Variants in NOS2 observed in about 807,000 individuals in gnomAD.
NOS2 encodes the protein nitric oxide synthase, inducible.
A neutral mutation model predicts 136.0 loss-of-function variants in NOS2; 96 were observed. That is an observed-to-expected ratio of 0.71 (90% CI 0.60 to 0.84). The LOEUF (loss-of-function observed/expected upper bound fraction) is 0.84, where lower values mean the gene tolerates loss of function less well. Ranked by LOEUF, NOS2 falls within the 40% of genes least tolerant of loss-of-function variation. NOS2 has a pLI of 0.00. For missense variants in NOS2, 1,237 were observed against 1,496.9 expected, an observed-to-expected ratio of 0.83 and a Z score of 2.87; for synonymous variants, 539 against 587.5, an observed-to-expected ratio of 0.92 and a Z score of 1.20.
intron 2 of NOS2, among the ~76,000 whole-genome samples, chr17:27,796,162 A>G (rs1011437326): frequency 6.6e-6 from 1 of 152,182 alleles, no homozygotes; most frequent in South Asian, 2.1e-4. Flanking sequence ...AAAAGGAAAG[A>G]AAAAAGAAGC....
At chr17:27,771,079 C>G in intron 14 of NOS2, 62 bp from the exon 15 acceptor site, 1 of 1,248,838 alleles carries the variant, frequency 8.0e-7, no homozygotes, top group South Asian at 1.3e-5. Context: ...CTACCCTGCG[C>G]AGACACCCTG....
In NOS2 at chr17:27,789,702, C is replaced by G. The variant is rs1276122535; in HGVS notation, c.111-14G>C. The G allele has an allele frequency of 3.1e-6, 5 of 1,604,262 alleles. No individual in the cohort carries two copies. The highest frequency in any genetic ancestry group is 1.1e-5 in the South Asian group (1 of 90,848). ...TGTGTCACTGGACTGTGAAAGGAAA[C>G]AGCTAGCATGAGATGCGGTATCCAA... On this transcript the variant is annotated splice_polypyrimidine_tract_variant and intron_variant, in intron 2 of 26. Transcript: ENST00000313735.
Position 27,787,762 on chromosome 17 carries a change from C to A in NOS2, c.383G>T (p.Gly128Val), listed in dbSNP as rs914036110. ...SIMTPKSLTRGPRDKPTPPDE... is the reference protein window; with the variant it reads ...SIMTPKSLTRVPRDKPTPPDE... ...TGGAGGGGTAGGCTTGTCCCTGGGTCCTCTGGTCAAACTTTTGGGAGTCAT... is the reference window on the plus strand; with the variant it reads ...TGGAGGGGTAGGCTTGTCCCTGGGTACTCTGGTCAAACTTTTGGGAGTCAT... Residue 128 changes from glycine to valine, a missense_variant, in exon 5 of 27, where the codon GGA becomes GTA. This residue lies in a region of NOS2 where 440 missense variants were observed against 545.4 expected (regional missense o/e 0.81). Transcript: ENST00000313735. The A allele has an allele frequency of 1.2e-6, 2 of 1,613,592 alleles. No individual in the cohort carries two copies. The highest frequency in any genetic ancestry group is 3.3e-5 in the Admixed American group (2 of 59,952).
chr17:27,768,650 G>A (rs1385136480), intron 17 of NOS2, among the ~76,000 whole-genome samples: 4 of 152,236 alleles, frequency 2.6e-5, no homozygotes, highest in African/African-American at 9.6e-5. Flanking sequence ...CTATGGCTGT[G>A]AGACTGAAAC....
At chr17:27,776,346 C>A (rs1248826888) in intron 11 of NOS2, among the ~76,000 whole-genome samples, 1 of 152,178 alleles carries the variant, frequency 6.6e-6, no homozygotes, top group African/African-American at 2.4e-5. Flanking sequence ...CAAGACACAG[C>A]AACTCCTGGG....
intron 18 of NOS2, among the ~76,000 whole-genome samples, chr17:27,767,158 T>G (rs1908331370): frequency 6.6e-6 from 1 of 152,100 alleles, no homozygotes; most frequent in African/African-American, 2.4e-5. Context: ...TTGTTGACAT[T>G]GGGGATATCT....
intron 24 of NOS2, 123 bp downstream of exon 24, chr17:27,760,500 G>A: frequency 7.4e-7 from 1 of 1,345,354 alleles, no homozygotes; most frequent in Non-Finnish European, 1.0e-6. Flanking sequence ...CCCGCACAGG[G>A]AAGCAAACTT....
In NOS2 at chr17:27,789,176, C is replaced by T. The variant is rs573135686; in HGVS notation, c.196-245G>A. On this transcript the variant is annotated intron_variant, in intron 3 of 26. Coordinates refer to ENST00000313735, the MANE Select transcript of NOS2 (RefSeq NM_000625.4). Reference sequence around the variant, plus strand: ...GCCAAATGCTTCCTCAGAGGAACTGCTGTAGGAGGGACTAAAGACTAAGTT... The same window carrying T: ...GCCAAATGCTTCCTCAGAGGAACTGTTGTAGGAGGGACTAAAGACTAAGTT... 2.0e-5 allele frequency among the ~76,000 whole-genome samples: 3 copies of T among 152,280 alleles called. No individual in the cohort carries two copies. The South Asian group carries it at 6.2e-4, about 32-fold the overall frequency.
chr17:27,757,455 C>T, intron 26 of NOS2, 102 bp from the exon 27 acceptor site: 2 of 893,494 alleles, frequency 2.2e-6, no homozygotes, highest in Non-Finnish European at 3.6e-6. Flanking sequence ...AGCCATCTGT[C>T]TTCCCAACTG....
At chr17:27,781,301 G>A in intron 7 of NOS2, 124 bp from the exon 8 acceptor site, 2 of 1,125,906 alleles carry the variant, frequency 1.8e-6, no homozygotes, top group South Asian at 3.2e-5. Context: ...AGCTGACTGA[G>A]CCAGCCTCCT....
chr17:27,782,675 G>A (rs894949905), intron 6 of NOS2, among the ~76,000 whole-genome samples: 3 of 152,206 alleles, frequency 2.0e-5, no homozygotes, highest in Admixed American at 6.5e-5. Flanking sequence ...AAACAAGGTC[G>A]TGGTTTACTC....
Position 27,770,927 on chromosome 17 carries a change from G to A in NOS2, c.1795C>T (p.Pro599Ser). The A allele has an allele frequency of 6.2e-7, 1 of 1,613,724 alleles. No individual in the cohort carries two copies. The highest frequency in any genetic ancestry group is 1.1e-5 in the South Asian group (1 of 91,030). Residue 599 changes from proline (P) to serine (S), a missense_variant, in exon 15 of 27, where the codon CCT becomes TCT. By Grantham distance (74) the Pro-to-Ser change is moderately conservative (BLOSUM62 -1). Around this residue, in one of 3 missense-constraint regions of NOS2, gnomAD observed 782 missense variants for 909.9 expected, o/e 0.86. Transcript: ENST00000313735. The stretch of plus-strand genomic sequence containing the variant: ...AAGCCACCCACCTCTCCATTGCCAG[G>A]GCAGTCTCCATTGCCAAACGTACTG... Reference protein sequence around the residue: ...VTSTFGNGDCPGNGEKLKKSL... With the variant: ...VTSTFGNGDCSGNGEKLKKSL...
intron 21 of NOS2, among the ~76,000 whole-genome samples, chr17:27,763,578 A>G (rs1313682302): frequency 6.6e-6 from 1 of 152,222 alleles, no homozygotes; most frequent in Admixed American, 6.5e-5. Flanking sequence ...GCATTCTCTC[A>G]TTAACTTATT....
intron 17 of NOS2, among the ~76,000 whole-genome samples, chr17:27,768,568 A>G (rs1908386866): frequency 6.6e-6 from 1 of 152,234 alleles, no homozygotes; most frequent in Admixed American, 6.5e-5. Context: ...AATCACAGCA[A>G]TAAAGAGCTA....
chr17:27,768,924 T>G, intron 17 of NOS2, 53 bp downstream of exon 17: 1 of 1,512,726 alleles, frequency 6.6e-7, no homozygotes, highest in Middle Eastern at 1.8e-4. Flanking sequence ...GTCCTAGGCA[T>G]GAATGCACCC....
Position 27,787,813 on chromosome 17 carries a change from C to T in NOS2, c.332G>A (p.Arg111Lys). ...AATGGACCCCAGGCAAGATTTGGACCTGCAAGTTAAAATCTGGAAAGAGAG... is the reference window on the plus strand; with the variant it reads ...AATGGACCCCAGGCAAGATTTGGACTTGCAAGTTAAAATCTGGAAAGAGAG... ...HHKAKGILTC[R>K]SKSCLGSIMT... Residue 111 changes from arginine (R) to lysine (K), a missense_variant, in exon 5 of 27, where the codon AGG becomes AAG. Arg to Lys is a conservative substitution (Grantham distance 26). Transcript: ENST00000313735. 6.2e-7 allele frequency: 1 copy of T among 1,610,666 alleles called. No homozygotes were observed. Among genetic ancestry groups the T allele is most frequent in the Non-Finnish European group, 8.5e-7 (1 of 1,178,520 alleles).
Position 27,762,858 on chromosome 17 carries a change from GGGA to G in NOS2, c.2737_2739del (p.Ser913del). 6.4e-7 allele frequency: 1 copy of G among 1,573,560 alleles called. No individual in the cohort carries two copies. Among genetic ancestry groups the G allele is most frequent in the Non-Finnish European group, 8.6e-7 (1 of 1,159,814 alleles). ...TGGATCTCTGTGGGCGTGTGATCCCGGGAGGAGCTGATGGAGTAGAACCTGGGC... is the reference window on the plus strand; with the variant it reads ...TGGATCTCTGTGGGCGTGTGATCCCGGGAGCTGATGGAGTAGAACCTGGGC... On this transcript the variant is annotated inframe_deletion, in exon 22 of 27. Transcript: ENST00000313735.
At chr17:27,760,847 G>A (rs1302498488) in intron 23 of NOS2, 103 bp from the exon 24 acceptor site, 4 of 1,406,636 alleles carry the variant, frequency 2.8e-6, no homozygotes, top group Admixed American at 5.1e-5. Context: ...GTCGTGAGGG[G>A]GTGGAGAGGA....
chr17:27,789,965 T>C (rs1909142456), intron 2 of NOS2, among the ~76,000 whole-genome samples: 1 of 152,196 alleles, frequency 6.6e-6, no homozygotes, highest in African/African-American at 2.4e-5. Context: ...AAATGCTCCT[T>C]CACCCTCTGG....
Sources: allele counts gnomAD v4.1 joint callset (sites outside exome capture counted in the v4.1 genomes callset), GRCh38; gene constraint gnomAD v4.1.1; regional missense constraint gnomAD v4.1.1; transcripts MANE v1.5; gene names NCBI Gene and HGNC (gene_info 2026-07-23, HGNC 2026-07-21).